The following RTL9 variants were observed in gnomAD, a reference collection of about 807,000 sequenced individuals.
The protein encoded by RTL9 is retrotransposon Gag-like protein 9.
RTL9 carries 19 observed loss-of-function variants against 44.7 expected under a neutral mutation model. The observed-to-expected ratio is 0.42, with a 90% confidence interval of 0.30 to 0.62. RTL9 has a LOEUF of 0.62. Ranked by LOEUF, RTL9 falls within the 20% of genes least tolerant of loss-of-function variation. RTL9 has a pLI of 0.16. For synonymous variants in RTL9, 407 were observed against 398.9 expected, an observed-to-expected ratio of 1.02 and a Z score of -0.24; for missense variants, 1,105 against 1,080.6, an observed-to-expected ratio of 1.02 and a Z score of -0.32.
At chrX:110,443,233 A>C (rs1439914222) in intron 1 of RTL9, among the ~76,000 whole-genome samples, 1 of 111,644 alleles carries the variant, frequency 9.0e-6, no homozygotes, top group Non-Finnish European at 1.9e-5. Context: ...GCCTGTTTGA[A>C]GTTAAAATGA....
At chrX:110,362,474 A>T (rs963496270) in intron 1 of RTL9, among the ~76,000 whole-genome samples, 1 of 112,366 alleles carries the variant, frequency 8.9e-6, no homozygotes, top group Non-Finnish European at 1.9e-5. Flanking sequence ...AACTGCTAGC[A>T]ATAGCTTCTA....
intron 1 of RTL9, among the ~76,000 whole-genome samples, chrX:110,432,993 G>C (rs376432557): frequency 1.1e-4 from 12 of 112,787 alleles, no homozygotes; most frequent in African/African-American, 3.9e-4. Flanking sequence ...CTTGTGTCCA[G>C]GAAGCAAGTC....
chrX:110,379,944 A>C (rs1346300095), intron 1 of RTL9, among the ~76,000 whole-genome samples: 12 of 111,959 alleles, frequency 1.1e-4, no homozygotes, highest in Admixed American at 1.0e-3. Flanking sequence ...GGAAGAGATT[A>C]TTATAATCCT....
chrX:110,394,176 C>T (rs1297334309), intron 1 of RTL9, among the ~76,000 whole-genome samples: 2 of 112,788 alleles, frequency 1.8e-5, no homozygotes, highest in African/African-American at 6.4e-5. Flanking sequence ...ATGTGTAGCT[C>T]ACACTTATTG....
chrX:110,371,976 G>A (rs1402971174), intron 1 of RTL9, among the ~76,000 whole-genome samples: 1 of 111,052 alleles, frequency 9.0e-6, no homozygotes, highest in African/African-American at 3.3e-5. Context: ...ATCCTTTACT[G>A]TTACCAATGC....
chrX:110,376,500 C>T (rs753068313), intron 1 of RTL9, among the ~76,000 whole-genome samples: 5 of 111,775 alleles, frequency 4.5e-5, no homozygotes, highest in African/African-American at 1.3e-4. Context: ...TGACATGACA[C>T]CTTAGAGGCT....
chrX:110,441,166 C>T (rs955237604), intron 1 of RTL9, among the ~76,000 whole-genome samples: 2 of 112,135 alleles, frequency 1.8e-5, no homozygotes, highest in Admixed American at 1.9e-4. Context: ...TTCTCTGGAC[C>T]TCAGTTTCCT....
chrX:110,382,013 T>C (rs750127894), intron 1 of RTL9, among the ~76,000 whole-genome samples: 1 of 111,112 alleles, frequency 9.0e-6, no homozygotes, highest in African/African-American at 3.3e-5. Flanking sequence ...AAATAAAAAT[T>C]AAAAAAAATT....
chrX:110,433,137 T>C (rs1197954558), intron 1 of RTL9, among the ~76,000 whole-genome samples: 2 of 112,470 alleles, frequency 1.8e-5, no homozygotes, highest in African/African-American at 6.5e-5. Context: ...GCCTCAGTGA[T>C]TGCTGAAAAC....
At chrX:110,450,656 A>T in exon 1 of RTL9, 1 of 1,210,966 alleles carries the variant, frequency 8.3e-7, no homozygotes, top group African/African-American at 1.7e-5. Flanking sequence ...TCAACAATAC[A>T]ATGAGGGAGG....
chrX:110,418,337 GTC>G (rs1445730967), upstream of RTL9, among the ~76,000 whole-genome samples: 1 of 112,273 alleles, frequency 8.9e-6, no homozygotes, highest in Non-Finnish European at 1.9e-5. Flanking sequence ...ACACACTCGA[GTC>G]TCTCACTGTG....
At chrX:110,447,219 G>A (rs950382581), upstream of RTL9, among the ~76,000 whole-genome samples, 5 of 100,642 alleles carry the variant, frequency 5.0e-5, no homozygotes, top group African/African-American at 1.9e-4. Flanking sequence ...AGAGCTGTGT[G>A]CCTTTGGTCA....
chrX:110,374,872 G>A (rs1302419292), intron 1 of RTL9, among the ~76,000 whole-genome samples: 1 of 110,848 alleles, frequency 9.0e-6, no homozygotes, highest in African/African-American at 3.3e-5. Context: ...GATTATGGAG[G>A]GCCTAAGAAG....
At chrX:110,406,068 T>C (rs1419089486) in intron 1 of RTL9, among the ~76,000 whole-genome samples, 1 of 110,523 alleles carries the variant, frequency 9.0e-6, no homozygotes, top group African/African-American at 3.3e-5. Context: ...CACCCCCGAC[T>C]CCCCAAATTG....
rs1027158448 is a variant in RTL9, at chrX:110,409,360, G to A, written c.-167-35793G>A. On this transcript the variant is annotated intron_variant, in intron 1 of 2. Coordinates refer to the RTL9 transcript ENST00000520821. ...GACATGCTGGAGCCAAGGGACTGACGTCAGATGGTCCCAGTGGTGAAGAGA... is the reference window on the plus strand; with the variant it reads ...GACATGCTGGAGCCAAGGGACTGACATCAGATGGTCCCAGTGGTGAAGAGA... 5.4e-5 allele frequency among the ~76,000 whole-genome samples: 6 copies of A among 111,658 alleles called. No homozygotes were observed. In the East Asian group the frequency reaches 1.7e-3, roughly 31 times the overall value.
chrX:110,409,769 G>A (rs2068628850), intron 1 of RTL9, among the ~76,000 whole-genome samples: 1 of 111,215 alleles, frequency 9.0e-6, no homozygotes, highest in Admixed American at 9.5e-5. Flanking sequence ...CAGGGCTCCT[G>A]ATAAGAGAAT....
At chrX:110,401,306 A>G (rs2068562934) in intron 1 of RTL9, among the ~76,000 whole-genome samples, 1 of 110,785 alleles carries the variant, frequency 9.0e-6, no homozygotes, top group Non-Finnish European at 1.9e-5. Flanking sequence ...TAGTGTCTTC[A>G]GACTCCCAGT....
chrX:110,365,420 A>C (rs747591580), intron 1 of RTL9, among the ~76,000 whole-genome samples: 1 of 112,408 alleles, frequency 8.9e-6, no homozygotes, highest in East Asian at 2.8e-4. Context: ...ACCTTATTGC[A>C]TTCTTGTAGC....
chrX:110,362,248 C>G (rs1203667681), intron 1 of RTL9, among the ~76,000 whole-genome samples: 1 of 111,593 alleles, frequency 9.0e-6, no homozygotes, highest in Non-Finnish European at 1.9e-5. Flanking sequence ...TTCCCCTCAT[C>G]CCTACACTAA....
Sources: allele counts gnomAD v4.1 joint callset (sites outside exome capture counted in the v4.1 genomes callset), GRCh38; gene constraint gnomAD v4.1.1; transcripts MANE v1.5; gene names NCBI Gene and HGNC (gene_info 2026-07-23, HGNC 2026-07-21).